Variants in MAGI3 observed in about 807,000 individuals in gnomAD.
MAGI3 encodes membrane associated guanylate kinase, WW and PDZ domain containing 3.
MAGI3 carries 43 observed loss-of-function variants against 121.8 expected under a neutral mutation model. That is an observed-to-expected ratio of 0.35 (90% CI 0.28 to 0.46). The LOEUF is 0.46. Ranked by LOEUF, MAGI3 falls within the 20% of genes least tolerant of loss-of-function variation. MAGI3 has a pLI of 1.00. For synonymous variants in MAGI3, 553 were observed against 639.3 expected, an observed-to-expected ratio of 0.86 and a Z score of 2.04; for missense variants, 1,547 against 1,797.3, an observed-to-expected ratio of 0.86 and a Z score of 2.52.
chr1:113,414,924 T>C (rs1461751105), intron 1 of MAGI3, among the ~76,000 whole-genome samples: 2 of 152,118 alleles, frequency 1.3e-5, no homozygotes, highest in Non-Finnish European at 2.9e-5. Context: ...TAAAAGACTT[T>C]AGAGTTCCTT....
At chr1:113,472,402 C>A (rs930435295) in intron 1 of MAGI3, among the ~76,000 whole-genome samples, 1 of 152,076 alleles carries the variant, frequency 6.6e-6, no homozygotes, top group Non-Finnish European at 1.5e-5. Flanking sequence ...TGGGGTTTCA[C>A]CGTGTTAGCC....
intron 1 of MAGI3, among the ~76,000 whole-genome samples, chr1:113,520,722 C>T (rs1306096307): frequency 6.6e-6 from 1 of 152,178 alleles, no homozygotes; most frequent in Non-Finnish European, 1.5e-5. Flanking sequence ...CCTGACTCAG[C>T]CTCCCAAGTA....
intron 17 of MAGI3, 74 bp from the exon 18 acceptor site, chr1:113,672,541 A>T: frequency 6.7e-7 from 1 of 1,488,344 alleles, no homozygotes; most frequent in African/African-American, 1.4e-5. Context: ...TTTAAAAGAA[A>T]AGAAATTAAT....
At chr1:113,672,887 C>T in intron 18 of MAGI3, 146 bp downstream of exon 18, 1 of 1,103,092 alleles carries the variant, frequency 9.1e-7, no homozygotes, top group Non-Finnish European at 1.3e-6. Context: ...TGGCATTCTG[C>T]TGGCATTCAT....
At chr1:113,573,214 T>C (rs1190413670) in intron 2 of MAGI3, among the ~76,000 whole-genome samples, 1 of 152,154 alleles carries the variant, frequency 6.6e-6, no homozygotes, top group Non-Finnish European at 1.5e-5. Context: ...CGTGAGCCAT[T>C]GCACCCAGCC....
At chr1:113,597,367 A>G (rs1314156286) in intron 6 of MAGI3, among the ~76,000 whole-genome samples, 1 of 152,210 alleles carries the variant, frequency 6.6e-6, no homozygotes, top group Non-Finnish European at 1.5e-5. Context: ...AGTTATGAAG[A>G]CGTTTTAAAA....
chr1:113,619,203 A>G (rs1176618573), intron 7 of MAGI3, among the ~76,000 whole-genome samples: 5 of 152,188 alleles, frequency 3.3e-5, no homozygotes, highest in Admixed American at 2.0e-4. Context: ...TAAGTGTGAA[A>G]GAGTTATTCT....
chr1:113,503,760 A>G (rs555393560), intron 1 of MAGI3, among the ~76,000 whole-genome samples: 48 of 152,134 alleles, frequency 3.2e-4, no homozygotes, highest in African/African-American at 9.6e-4. Context: ...ATATTGGCTT[A>G]GCTTGGTTAT....
chr1:113,404,953 A>G (rs151127052), intron 1 of MAGI3, among the ~76,000 whole-genome samples: 35 of 152,228 alleles, frequency 2.3e-4, no homozygotes, highest in African/African-American at 7.7e-4. Flanking sequence ...GCTGTAATAG[A>G]ATACCCTGGA....
At chr1:113,478,214 C>T in intron 1 of MAGI3, among the ~76,000 whole-genome samples, 1 of 152,188 alleles carries the variant, frequency 6.6e-6, no homozygotes, top group East Asian at 1.9e-4. Flanking sequence ...TACCGACCTT[C>T]TGAAGCCTAC....
At chr1:113,596,864 T>C (rs978223858) in intron 6 of MAGI3, among the ~76,000 whole-genome samples, 3 of 152,024 alleles carry the variant, frequency 2.0e-5, no homozygotes, top group Admixed American at 6.6e-5. Flanking sequence ...CCCTTGTACA[T>C]TGCTGTGCCA....
chr1:113,650,490 T>C (rs1433133407), intron 13 of MAGI3, among the ~76,000 whole-genome samples: 1 of 152,230 alleles, frequency 6.6e-6, no homozygotes, highest in Non-Finnish European at 1.5e-5. Context: ...TTCACCTAGA[T>C]GCAAGTGAAG....
rs140972139 is a variant in MAGI3 at position 113,611,421 on chromosome 1, G to C, written c.1019-3180G>C. The stretch of plus-strand genomic sequence containing the variant: ...AATTATTCAATAAATATTTGATAAT[G>C]TATCACTTTTATGCCACAAAAGCTA... On this transcript the variant is annotated intron_variant, in intron 6 of 20. Transcript: ENST00000307546. Among the ~76,000 whole-genome samples, 776 of 152,192 alleles carry C rather than the reference G, an allele frequency of 5.1e-3. 4 individuals are homozygous for C. The highest frequency in any genetic ancestry group is 0.018 in the African/African-American group (749 of 41,522).
intron 5 of MAGI3, among the ~76,000 whole-genome samples, chr1:113,591,450 T>C (rs992086796): frequency 1.3e-5 from 2 of 152,130 alleles, no homozygotes; most frequent in African/African-American, 4.8e-5. Flanking sequence ...AAAGAACATA[T>C]ACTCAGAAAT....
intron 1 of MAGI3, among the ~76,000 whole-genome samples, chr1:113,457,789 T>G (rs192285739): frequency 6.6e-6 from 1 of 152,322 alleles, no homozygotes; most frequent in African/African-American, 2.4e-5. Flanking sequence ...GCATACTGTA[T>G]GGCAAGAGCT....
At chr1:113,611,596 C>G (rs186788039) in intron 6 of MAGI3, among the ~76,000 whole-genome samples, 25 of 152,214 alleles carry the variant, frequency 1.6e-4, no homozygotes, top group African/African-American at 6.0e-4. Context: ...CTTATGCAGT[C>G]TATTAGTGTT....
At chr1:113,486,147 G>C (rs953190784) in intron 1 of MAGI3, among the ~76,000 whole-genome samples, 33 of 152,116 alleles carry the variant, frequency 2.2e-4, no homozygotes, top group African/African-American at 8.0e-4. Context: ...GGCTATGCGG[G>C]CTCTTTTTTG....
At chr1:113,425,941 G>A (rs992310952) in intron 1 of MAGI3, among the ~76,000 whole-genome samples, 1 of 151,436 alleles carries the variant, frequency 6.6e-6, no homozygotes, top group Non-Finnish European at 1.5e-5. Context: ...CCTTTCTTAC[G>A]CTTTTTTGGG....
chr1:113,446,422 A>G lies in MAGI3; in HGVS notation c.316+55073A>G, dbSNP rs545221910. Among the ~76,000 whole-genome samples, 8 of 152,370 alleles carry G rather than the reference A, an allele frequency of 5.3e-5. No individual in the cohort carries two copies. In the South Asian group the frequency reaches 1.4e-3, roughly 28 times the overall value. ...AATAAGGAAGGAATTTAAACATTTT[A>G]CTACAACAAAGTCAGTGAAATACAA... On this transcript the variant is annotated intron_variant, in intron 1 of 20. Coordinates refer to ENST00000307546, the MANE Select transcript of MAGI3 (RefSeq NM_001142782.2).
Sources: allele counts gnomAD v4.1 joint callset (sites outside exome capture counted in the v4.1 genomes callset), GRCh38; gene constraint gnomAD v4.1.1; transcripts MANE v1.5; gene names NCBI Gene and HGNC (gene_info 2026-07-23, HGNC 2026-07-21).